TRAF2: variants seen among roughly 807,000 people sequenced by gnomAD.
TRAF2 encodes TNF receptor-associated factor 2.
Under a neutral mutation model 55.6 loss-of-function variants are expected in TRAF2, and 6 were observed. The observed-to-expected ratio is 0.11, with a 90% CI of 0.06 to 0.21. TRAF2 has a LOEUF of 0.21. Ranked by LOEUF, TRAF2 falls within the 10% of genes least tolerant of loss-of-function variation. The pLI is 1.00. For synonymous variants in TRAF2, 329 were observed against 276.3 expected, an observed-to-expected ratio of 1.19 and a Z score of -1.89; for missense variants, 561 against 684.5, an observed-to-expected ratio of 0.82 and a Z score of 2.01.
In TRAF2 at chr9:136,886,525, C is replaced by A. The variant is rs1588412855; in HGVS notation, c.-45C>A. 1.0e-6 allele frequency: 1 copy of A among 988,360 alleles called. No homozygotes were observed. The highest frequency in any genetic ancestry group is 1.2e-6 in the Non-Finnish European group (1 of 832,088). 61.2% of individuals were successfully genotyped at this position (988,360 alleles called of 1,614,324 possible). ...AGCTGGGCGGGCCCTTAGTTCCGGG[C>A]GCGCTGCGACCGTTGGGTGAGGCGA... On this transcript the variant is annotated 5_prime_UTR_variant, in exon 1 of 11. Transcript: ENST00000247668.
chr9:136,922,284 CTT>C (rs750835253), intron 9 of TRAF2: 4 of 152,288 alleles, frequency 2.6e-5, no homozygotes, highest in Non-Finnish European at 5.9e-5. Flanking sequence ...TTAGGGGAAA[CTT>C]GAGGGAACAG....
rs1275706193 is a variant in TRAF2 at position 136,886,522 on chromosome 9, G to C, written c.-48G>C. ...GGTAGCTGGGCGGGCCCTTAGTTCC[G>C]GGCGCGCTGCGACCGTTGGGTGAGG... On this transcript the variant is annotated 5_prime_UTR_variant, in exon 1 of 11. Transcript: ENST00000247668. 1 of 990,332 alleles carries C rather than the reference G, an allele frequency of 1.0e-6. No homozygotes were observed. Among genetic ancestry groups the C allele is most frequent in the Non-Finnish European group, 1.2e-6 (1 of 833,400 alleles). The allele number at this position is 990,332 out of a possible 1,614,324, so 61.3% of individuals were successfully genotyped here. A position where few individuals can be genotyped will look rare whatever the true frequency, so the allele number is the denominator to read the frequency against.
chr9:136,896,087 G>A (rs1755393594), intron 1 of TRAF2, among the ~76,000 whole-genome samples: 1 of 152,072 alleles, frequency 6.6e-6, no homozygotes. Context: ...CCTTCTAGGA[G>A]TGAGCCCCCC....
chr9:136,883,111 C>G (rs1849393304), upstream of TRAF2, among the ~76,000 whole-genome samples: 1 of 151,832 alleles, frequency 6.6e-6, no homozygotes, highest in African/African-American at 2.4e-5. Context: ...CTCAGGTGAT[C>G]TGCCCACCTC....
At position 136,908,018 on chromosome 9, in the gene TRAF2, T is replaced by C. The variant is rs558220743; in HGVS notation, c.367-52T>C. The C allele has an allele frequency of 2.5e-4, 391 of 1,556,780 alleles. 1 individual carries two copies. The Middle Eastern group carries it at 3.4e-3, about 14-fold the overall frequency. ...TTGTGTCCCCGGGTGAAGCTGTGGC[T>C]GCCCAAATGTCCCACGCGAGTTCTA... is the stretch of plus-strand genomic sequence containing the variant. On this transcript the variant is annotated intron_variant, in intron 4 of 10. Transcript: ENST00000247668.
intron 7 of TRAF2, among the ~76,000 whole-genome samples, chr9:136,918,411 G>A (rs1588442236): frequency 6.6e-6 from 1 of 151,118 alleles, no homozygotes; most frequent in Non-Finnish European, 1.5e-5. Flanking sequence ...GTGATAAAAG[G>A]CCCAAGTAGC....
At chr9:136,886,337 G>C (rs540068142), upstream of TRAF2, 20 of 950,200 alleles carry the variant, frequency 2.1e-5, no homozygotes, top group Non-Finnish European at 2.5e-5. Context: ...CTGCGGGCTC[G>C]CTGGTTGGCT....
intron 1 of TRAF2, among the ~76,000 whole-genome samples, chr9:136,887,776 G>T (rs1027359541): frequency 6.6e-6 from 1 of 152,136 alleles, no homozygotes; most frequent in Non-Finnish European, 1.5e-5. Context: ...TGATACTTTT[G>T]TATAAACAGT....
chr9:136,893,924 A>G (rs1160613928), intron 1 of TRAF2, among the ~76,000 whole-genome samples: 1 of 148,538 alleles, frequency 6.7e-6, no homozygotes, highest in Admixed American at 6.7e-5. Context: ...TAATTTTTGT[A>G]TTTTTACTAG....
intron 1 of TRAF2, among the ~76,000 whole-genome samples, chr9:136,892,612 G>T (rs1849603451): frequency 6.6e-6 from 1 of 152,202 alleles, no homozygotes; most frequent in Non-Finnish European, 1.5e-5. Flanking sequence ...AGGCACAGTG[G>T]CTCATGCCTA....
chr9:136,883,968 G>A (rs1849403438), upstream of TRAF2, among the ~76,000 whole-genome samples: 1 of 151,716 alleles, frequency 6.6e-6, no homozygotes, highest in South Asian at 2.1e-4. Flanking sequence ...GTGAGTACAG[G>A]CGCGTACCAC....
chr9:136,887,041 G>T (rs918158046), intron 1 of TRAF2, among the ~76,000 whole-genome samples: 2 of 152,198 alleles, frequency 1.3e-5, no homozygotes, highest in African/African-American at 4.8e-5. Context: ...CCAGCCAGGG[G>T]TCGGGGAAGA....
upstream of TRAF2, chr9:136,882,568 AGAGGGTGCTGGGGCTTCTCCT>A (rs1588409989): frequency 7.6e-6 from 5 of 657,172 alleles, no homozygotes; most frequent in East Asian, 6.8e-4. Flanking sequence ...TCAGGCAGTG[AGAGGGTGCTGGGGCTTCTCCT>A]GAGACTGCCC....
At chr9:136,889,810 T>C (rs1200186958) in intron 1 of TRAF2, 1 of 151,194 alleles carries the variant, frequency 6.6e-6, no homozygotes, top group Non-Finnish European at 1.5e-5. Flanking sequence ...GGTCACCACT[T>C]GTGTGAGAGT....
chr9:136,911,334 G>A (rs1319763261), intron 6 of TRAF2, among the ~76,000 whole-genome samples: 1 of 144,764 alleles, frequency 6.9e-6, no homozygotes, highest in African/African-American at 2.6e-5. Context: ...GTGTGATCTC[G>A]GCTCACTGCA....
At chr9:136,915,944 C>T (rs939858002) in intron 6 of TRAF2, among the ~76,000 whole-genome samples, 1 of 152,070 alleles carries the variant, frequency 6.6e-6, no homozygotes, top group Non-Finnish European at 1.5e-5. Context: ...CTCAGAGCCG[C>T]GACACACCTG....
chr9:136,884,062 A>G (rs1214878052), upstream of TRAF2, among the ~76,000 whole-genome samples: 5 of 151,592 alleles, frequency 3.3e-5, no homozygotes, highest in East Asian at 9.9e-4. Context: ...TGACCTCATG[A>G]TCTGCCCACC....
At chr9:136,905,999 G>A (rs1849940460) in intron 4 of TRAF2, among the ~76,000 whole-genome samples, 2 of 152,160 alleles carry the variant, frequency 1.3e-5, no homozygotes, top group African/African-American at 4.8e-5. Flanking sequence ...CAGCTACTCA[G>A]GAGGCTGAGG....
intron 4 of TRAF2, among the ~76,000 whole-genome samples, chr9:136,902,715 TCA>T (rs569569067): frequency 9.3e-4 from 142 of 152,298 alleles, no homozygotes; most frequent in Non-Finnish European, 1.8e-3. Context: ...GCTGTAAATG[TCA>T]CACATGGGGA....
Sources: allele counts gnomAD v4.1 joint callset (sites outside exome capture counted in the v4.1 genomes callset), GRCh38; gene constraint gnomAD v4.1.1; transcripts MANE v1.5; gene names NCBI Gene and HGNC (gene_info 2026-07-23, HGNC 2026-07-21).